Variants in ACACA observed in about 807,000 individuals in gnomAD.
The protein encoded by ACACA is acetyl-CoA carboxylase alpha, also known as acetyl-CoA carboxylase 1.
Under a neutral mutation model 296.1 loss-of-function variants are expected in ACACA, and 103 were observed. The observed-to-expected ratio is 0.35, with a 90% CI of 0.30 to 0.41. The LOEUF (loss-of-function observed/expected upper bound fraction) is 0.41, where lower values mean the gene tolerates loss of function less well. Ranked by LOEUF, ACACA falls within the 10% of genes least tolerant of loss-of-function variation. The pLI is 1.00. For missense variants in ACACA, 1,554 were observed against 2,989.7 expected (o/e 0.52, Z 11.20); for synonymous variants, 953 against 1,038.6 (o/e 0.92, Z 1.58).
chr17:37,111,837 G>A (rs143333952), intron 51 of ACACA, among the ~76,000 whole-genome samples, 194 bp from the exon 52 acceptor site: 80 of 152,080 alleles, frequency 5.3e-4, no homozygotes, highest in African/African-American at 1.9e-3. Context: ...TATGAGAAAG[G>A]CCTGGCAAAA....
At chr17:37,195,087 C>T (rs996374009) in intron 35 of ACACA, among the ~76,000 whole-genome samples, 5 of 151,972 alleles carry the variant, frequency 3.3e-5, no homozygotes, top group African/African-American at 1.2e-4. Context: ...CAGAGCATTA[C>T]CTAAAAAGTA....
At chr17:37,205,731 G>A (rs767055047) in intron 33 of ACACA, 34 bp downstream of exon 33, 3 of 1,493,364 alleles carry the variant, frequency 2.0e-6, no homozygotes, top group Non-Finnish European at 2.8e-6. Context: ...GTAGAAAGGG[G>A]ACATCACGAG....
chr17:37,384,874 A>G (rs2050458608), intron 1 of ACACA, among the ~76,000 whole-genome samples: 1 of 152,196 alleles, frequency 6.6e-6, no homozygotes. Context: ...GACTTAAGAC[A>G]TGGAAGAGTA....
chr17:37,346,420 G>A (rs372967838), intron 1 of ACACA, among the ~76,000 whole-genome samples: 3 of 151,900 alleles, frequency 2.0e-5, no homozygotes, highest in East Asian at 3.9e-4. Context: ...TATCTATTGA[G>A]ACCAGGTGTG....
Position 37,338,632 on chromosome 17 carries a change from C to T in ACACA, c.85+1172G>A, listed in dbSNP as rs1206326958. Among the ~76,000 whole-genome samples the T allele has an allele frequency of 2.0e-5, 3 of 150,482 alleles. No homozygotes were observed. The East Asian group carries it at 5.9e-4, about 30-fold the overall frequency. ...CAAAAAACAAAAAAAAACAAAAAAC[C>T]TTTAAAGGGCTCCCATTATTTTTGG... On this transcript the variant is annotated intron_variant, in intron 2 of 55. Transcript: ENST00000616317.
At chr17:37,132,090 T>G (rs369679667) in intron 45 of ACACA, among the ~76,000 whole-genome samples, 1 of 152,192 alleles carries the variant, frequency 6.6e-6, no homozygotes, top group Admixed American at 6.5e-5. Context: ...CTCTGCTGAG[T>G]CCATATTACT....
chr17:37,234,572 T>A (rs1278465570), intron 25 of ACACA, among the ~76,000 whole-genome samples: 1 of 152,194 alleles, frequency 6.6e-6, no homozygotes, highest in African/African-American at 2.4e-5. Context: ...GATTTCTATT[T>A]ATTTTTTTTC....
intron 25 of ACACA, among the ~76,000 whole-genome samples, chr17:37,226,840 C>T (rs997781798): frequency 6.6e-6 from 1 of 152,152 alleles, no homozygotes; most frequent in Non-Finnish European, 1.5e-5. Context: ...GTTTCCCCTC[C>T]CACTTTTGGA....
intron 3 of ACACA, among the ~76,000 whole-genome samples, chr17:37,326,789 A>G (rs907332138): frequency 1.2e-4 from 18 of 152,006 alleles, no homozygotes; most frequent in African/African-American, 3.6e-4. Flanking sequence ...AGATGGTACC[A>G]CTGCACTCCA....
intron 52 of ACACA, 76 bp from the exon 53 acceptor site, chr17:37,098,060 G>A (rs901054878): frequency 3.8e-6 from 6 of 1,588,768 alleles, no homozygotes; most frequent in African/African-American, 1.3e-5. Context: ...CCACAATCAC[G>A]GGAAGCTCAA....
At chr17:37,174,010 A>T (rs1195477208) in intron 41 of ACACA, among the ~76,000 whole-genome samples, 648 of 12,142 alleles carry the variant, frequency 0.053, 65 homozygotes, top group African/African-American at 0.22. Context: ...ATATATATAT[A>T]TATATATATA....
At chr17:37,370,325 G>A (rs1178652175) in intron 1 of ACACA, among the ~76,000 whole-genome samples, 14 of 151,562 alleles carry the variant, frequency 9.2e-5, no homozygotes, top group Non-Finnish European at 2.9e-5. Flanking sequence ...TACTTTTGAT[G>A]GTGAGGAGTG....
chr17:37,088,637 C>CA (rs1417604235), intron 55 of ACACA, among the ~76,000 whole-genome samples: 5 of 152,192 alleles, frequency 3.3e-5, no homozygotes, highest in African/African-American at 7.2e-5. Flanking sequence ...CACACACAAT[C>CA]AGCTTTCCTC....
intron 3 of ACACA, among the ~76,000 whole-genome samples, chr17:37,314,950 CTTTTTT>C (rs71284913): frequency 1.6e-5 from 1 of 60,806 alleles, no homozygotes; most frequent in Non-Finnish European, 2.7e-5. Context: ...GCCAGGAATG[CTTTTTT>C]TTTTTTTTTT....
chr17:37,253,507 C>A (rs1440538463), intron 14 of ACACA, among the ~76,000 whole-genome samples: 2 of 152,156 alleles, frequency 1.3e-5, no homozygotes, highest in African/African-American at 4.8e-5. Flanking sequence ...GTCAAGTGTG[C>A]TCATTCATGT....
chr17:37,098,987 C>T (rs1717857312), intron 52 of ACACA, among the ~76,000 whole-genome samples: 3 of 152,184 alleles, frequency 2.0e-5, no homozygotes, highest in Non-Finnish European at 4.4e-5. Context: ...TAGGTGACAG[C>T]CCCTGGTGTT....
At position 37,340,432 on chromosome 17, in the gene ACACA, G is replaced by A. The variant is rs565334547; in HGVS notation, c.39-582C>T. On this transcript the variant is annotated intron_variant, in intron 1 of 55. Transcript: ENST00000616317. ...CTGATTATGTTTAAGAATCACCTGC[G>A]GAGCTTTTAAAAATTTTACAAAGTC... Among the ~76,000 whole-genome samples, 7 of 152,208 alleles carry A rather than the reference G, an allele frequency of 4.6e-5. No individual in the cohort carries two copies. In the East Asian group the frequency reaches 5.8e-4, roughly 13 times the overall value.
At position 37,330,390 on chromosome 17, in the gene ACACA, G is replaced by T. The variant is rs1416837603; in HGVS notation, c.121C>A (p.Pro41Thr). 1.2e-6 allele frequency: 2 copies of T among 1,614,162 alleles called. No homozygotes were observed. Among genetic ancestry groups the T allele is most frequent in the South Asian group, 2.2e-5 (2 of 91,082 alleles). The change falls in exon 3 of 56, where the codon CCA (proline) becomes ACA (threonine). Residue 41 changes from proline to threonine, a missense_variant. Around this residue, in one of 16 missense-constraint regions of ACACA, gnomAD observed 140 missense variants for 147.7 expected, o/e 0.95. Coordinates refer to ENST00000616317, the MANE Select transcript of ACACA (RefSeq NM_198834.3). ...RAHFGGIMDEPSPLAQPLELN... is the reference protein window; with the variant it reads ...RAHFGGIMDETSPLAQPLELN... ...TCCAGAGGTTGGGCCAAGGGAGATG[G>T]TTCATCCATTATTCCTCCAAAATGA...
chr17:37,115,881 T>A (rs1156780386), intron 50 of ACACA, among the ~76,000 whole-genome samples: 1 of 152,188 alleles, frequency 6.6e-6, no homozygotes, highest in African/African-American at 2.4e-5. Context: ...ATATCCAAGT[T>A]GCAGGTGAGT....
Sources: gnomAD v4.1 joint callset for allele counts (sites outside exome capture counted in the v4.1 genomes callset) on GRCh38, gnomAD v4.1.1 for gene constraint, gnomAD v4.1.1 regional missense constraint, MANE v1.5 for transcripts, NCBI Gene and HGNC (gene_info 2026-07-23, HGNC 2026-07-21) for gene names.